MKLN1: variants seen among roughly 807,000 people sequenced by gnomAD.
The protein encoded by MKLN1 is muskelin 1, also known as muskelin.
In MKLN1, 18 loss-of-function variants were observed where a neutral mutation model predicts 99.0. The ratio of observed to expected loss-of-function variants is 0.18; its 90% CI spans 0.13 to 0.27. MKLN1 has a LOEUF of 0.27. MKLN1 is among the 10% of genes least tolerant of loss of function. MKLN1 has a pLI of 1.00. For synonymous variants in MKLN1, 288 were observed against 293.2 expected (o/e 0.98, Z 0.18); for missense variants, 621 against 875.9 (o/e 0.71, Z 3.67).
intron 3 of MKLN1, among the ~76,000 whole-genome samples, chr7:131,240,063 C>A (rs1797378923): frequency 6.6e-6 from 1 of 152,006 alleles, no homozygotes; most frequent in East Asian, 1.9e-4. Flanking sequence ...TGCTTTTAGT[C>A]CCAGCTACTT....
At chr7:131,179,209 A>T (rs1371805318) in intron 2 of MKLN1, among the ~76,000 whole-genome samples, 1 of 152,230 alleles carries the variant, frequency 6.6e-6, no homozygotes, top group Admixed American at 6.5e-5. Context: ...TAATTAAGGA[A>T]GATTATATTC....
Position 131,388,827 on chromosome 7 carries a change from C to G in MKLN1, c.312-57C>G. The G allele has an allele frequency of 2.7e-6, 3 of 1,110,646 alleles. No individual in the cohort carries two copies. In the South Asian group the frequency reaches 4.1e-5, roughly 15 times the overall value. 68.8% of individuals were successfully genotyped at this position (1,110,646 alleles called of 1,614,324 possible). On this transcript the variant is annotated intron_variant, in intron 3 of 17. Coordinates refer to ENST00000352689, the MANE Select transcript of MKLN1 (RefSeq NM_013255.5). ...ACCTGAGTGTGCATTAATTCGTGTT[C>G]TAGTGCATTTACTAAATTATGAAGT...
chr7:131,178,218 G>A (rs1410197752), intron 2 of MKLN1, among the ~76,000 whole-genome samples: 2 of 150,442 alleles, frequency 1.3e-5, no homozygotes, highest in Admixed American at 1.3e-4. Context: ...CTGGGTTCAA[G>A]CGATTCTCCT....
intron 2 of MKLN1, among the ~76,000 whole-genome samples, chr7:131,201,877 G>T (rs567442258): frequency 1.3e-5 from 2 of 152,140 alleles, no homozygotes; most frequent in South Asian, 4.1e-4. Flanking sequence ...TGTCCTTTTG[G>T]GTTAACAATT....
chr7:131,287,261 C>T (rs544629270), intron 3 of MKLN1, among the ~76,000 whole-genome samples: 10 of 152,310 alleles, frequency 6.6e-5, no homozygotes, highest in South Asian at 2.1e-4. Flanking sequence ...CTGTGACTGC[C>T]GTAACAAATT....
At chr7:131,150,093 T>A (rs1795867632) in intron 2 of MKLN1, among the ~76,000 whole-genome samples, 1 of 152,170 alleles carries the variant, frequency 6.6e-6, no homozygotes, top group South Asian at 2.1e-4. Context: ...TTTTCGCAAC[T>A]AGATAGATGT....
chr7:131,125,848 C>CA (rs1017826284), intron 1 of MKLN1, among the ~76,000 whole-genome samples: 7 of 150,846 alleles, frequency 4.6e-5, no homozygotes, highest in African/African-American at 1.2e-4. Flanking sequence ...GTTAAAAATA[C>CA]AAAAAAAATT....
chr7:131,149,045 C>T (rs1037518591), intron 2 of MKLN1, among the ~76,000 whole-genome samples: 5 of 151,998 alleles, frequency 3.3e-5, no homozygotes, highest in African/African-American at 9.7e-5. Context: ...CTGGGGCAGG[C>T]GGTGGGGCAG....
At chr7:131,286,234 G>A (rs921843849) in intron 3 of MKLN1, among the ~76,000 whole-genome samples, 7 of 152,212 alleles carry the variant, frequency 4.6e-5, no homozygotes, top group Non-Finnish European at 2.9e-5. Flanking sequence ...ACAGGTGTGA[G>A]CCACTGCGCC....
chr7:131,140,061 C>T lies in MKLN1; in HGVS notation c.-418-2759C>T, dbSNP rs184440011. On this transcript the variant is annotated intron_variant, in intron 1 of 7. Coordinates refer to the MKLN1 transcript ENST00000416992. ...AAGGCAAACTTTTTGAAACAGGTGT[C>T]TGCATCCATTGGTTCCATTTACTCT... Among the ~76,000 whole-genome samples the T allele has an allele frequency of 6.4e-4, 97 of 152,310 alleles. 2 individuals are homozygous for T. The highest frequency in any genetic ancestry group is 6.3e-3 in the Admixed American group (97 of 15,298).
chr7:131,138,068 G>A (rs896204033), intron 1 of MKLN1, among the ~76,000 whole-genome samples: 1 of 151,870 alleles, frequency 6.6e-6, no homozygotes, highest in Non-Finnish European at 1.5e-5. Flanking sequence ...TGGGATTAAA[G>A]GCATGTGCCA....
chr7:131,449,805 G>A (rs894656120), intron 12 of MKLN1, among the ~76,000 whole-genome samples: 3 of 151,956 alleles, frequency 2.0e-5, no homozygotes, highest in South Asian at 2.1e-4. Context: ...CTAGCTCTCC[G>A]GAGTCTATTT....
intron 8 of MKLN1, among the ~76,000 whole-genome samples, chr7:131,418,458 T>TG (rs1384827974): frequency 6.6e-6 from 1 of 151,830 alleles, no homozygotes; most frequent in East Asian, 1.9e-4. Flanking sequence ...AGAATTGTCT[T>TG]GGACCACACA....
chr7:131,478,848 A>G, intron 17 of MKLN1, 171 bp downstream of exon 17: 1 of 774,312 alleles, frequency 1.3e-6, no homozygotes. Context: ...GGTTGCTTTG[A>G]GGTATCATTT....
intron 6 of MKLN1, among the ~76,000 whole-genome samples, chr7:131,407,000 A>G (rs1252326755): frequency 6.6e-6 from 1 of 152,072 alleles, no homozygotes; most frequent in Non-Finnish European, 1.5e-5. Flanking sequence ...TTTTCTTTCA[A>G]TTAAATATAT....
intron 1 of MKLN1, among the ~76,000 whole-genome samples, chr7:131,142,424 T>A (rs1237428169): frequency 1.4e-5 from 2 of 144,630 alleles, no homozygotes; most frequent in Non-Finnish European, 3.0e-5. Context: ...AAAAAAAAAT[T>A]AAAATGATAA....
chr7:131,321,872 A>T (rs1798783062), intron 3 of MKLN1, among the ~76,000 whole-genome samples: 2 of 152,222 alleles, frequency 1.3e-5, no homozygotes, highest in Non-Finnish European at 2.9e-5. Context: ...AGTAAAGTAC[A>T]ACTCACATTT....
At chr7:131,133,340 TC>T (rs370379781) in intron 1 of MKLN1, among the ~76,000 whole-genome samples, 2,073 of 132,860 alleles carry the variant, frequency 0.016, 17 homozygotes, top group Non-Finnish European at 0.024. Context: ...ATTTTTTTTT[TC>T]TTTCTTTCTT....
intron 2 of MKLN1, among the ~76,000 whole-genome samples, chr7:131,191,604 T>A (rs910465814): frequency 2.0e-5 from 3 of 152,310 alleles, no homozygotes; most frequent in African/African-American, 7.2e-5. Context: ...CTTGCCTTCG[T>A]GTTACCAATT....
Sources: allele counts gnomAD v4.1 joint callset (sites outside exome capture counted in the v4.1 genomes callset), GRCh38; gene constraint gnomAD v4.1.1; transcripts MANE v1.5; gene names NCBI Gene and HGNC (gene_info 2026-07-23, HGNC 2026-07-21).